Variants in MEX3D observed in about 807,000 individuals in gnomAD.
MEX3D encodes the protein RNA-binding protein MEX3D.
A neutral mutation model predicts 6.3 loss-of-function variants in MEX3D; 4 were observed. The observed-to-expected ratio is 0.64, with a 90% CI of 0.31 to 1.46. The LOEUF (loss-of-function observed/expected upper bound fraction) is 1.46. Among genes scored for constraint, MEX3D ranks in the 40% most tolerant of loss-of-function variants. MEX3D has a pLI of 0.07. For missense variants in MEX3D, 1,038 were observed against 994.4 expected, an observed-to-expected ratio of 1.04 and a Z score of -0.59; for synonymous variants, 626 against 494.1, an observed-to-expected ratio of 1.27 and a Z score of -3.54.
intron 1 of MEX3D, among the ~76,000 whole-genome samples, chr19:1,561,435 G>A (rs1249274514): frequency 1.3e-5 from 2 of 152,226 alleles, no homozygotes; most frequent in African/African-American, 2.4e-5. Context: ...CGGGTGACGC[G>A]GGACAGCAGC....
At position 1,567,454 on chromosome 19, in the gene MEX3D, G is replaced by A. The variant is rs768557040; in HGVS notation, c.595+10C>T. 3.2e-6 allele frequency: 5 copies of A among 1,561,088 alleles called. No individual in the cohort carries two copies. The East Asian group carries it at 1.3e-4, about 41-fold the overall frequency. On this transcript the variant is annotated intron_variant, in intron 1 of 1. Transcript: ENST00000402693. The surrounding 1 kb of genome is among the most constrained non-coding windows in gnomAD (Gnocchi z 6.5). ...CCCCAGGACAGCAACCCCCGACGAGGGCCACTCACCCTGGCGACCCACGAT... is the reference window on the plus strand; with the variant it reads ...CCCCAGGACAGCAACCCCCGACGAGAGCCACTCACCCTGGCGACCCACGAT...
rs777409412 is a variant in MEX3D at position 1,555,339 on chromosome 19, G to A, written c.*224C>T. The A allele has an allele frequency of 1.2e-6, 2 of 1,600,690 alleles. No homozygotes were observed. Among genetic ancestry groups the A allele is most frequent in the Middle Eastern group, 1.7e-4 (1 of 6,010 alleles). On this transcript the variant is annotated 3_prime_UTR_variant, in exon 2 of 2. Coordinates refer to ENST00000402693, the MANE Select transcript of MEX3D (RefSeq NM_203304.4). ...TATTGTAACCTGACCACTCAATACT[G>A]TCGTTGAAGGGCTGAGGCGCCGCCG... is the stretch of plus-strand genomic sequence containing the variant.
rs966964289 is a variant in MEX3D, at chr19:1,555,450, C to A, written c.*113G>T. 7 of 1,395,212 alleles carry A rather than the reference C, an allele frequency of 5.0e-6. No homozygotes were observed. Among genetic ancestry groups the A allele is most frequent in the Admixed American group, 4.4e-5 (2 of 45,084 alleles). 86.4% of individuals were successfully genotyped at this position (1,395,212 alleles called of 1,614,324 possible). ...GCCGCCGCCCACCCCCCTGCCCCCT[C>A]GGCCTCCGCCCCTCGCCCCCTCCCC... On this transcript the variant is annotated 3_prime_UTR_variant, in exon 2 of 2. Coordinates refer to ENST00000402693, the MANE Select transcript of MEX3D (RefSeq NM_203304.4).
chr19:1,556,983 G>A lies in MEX3D; in HGVS notation c.596-60C>T, dbSNP rs559974756. ...AGAGCCCCCTGCGCAGCTCAGCCCC[G>A]CTGGGCATGCAGGCTGCAGGGCCAG... On this transcript the variant is annotated intron_variant, in intron 1 of 1. Coordinates refer to ENST00000402693, the MANE Select transcript of MEX3D (RefSeq NM_203304.4). This position sits in a 1 kb window ranked among gnomAD's most constrained non-coding sequence, Gnocchi z 7.5. The A allele has an allele frequency of 2.6e-5, 39 of 1,518,268 alleles. No individual in the cohort carries two copies. Among genetic ancestry groups the A allele is most frequent in the South Asian group, 2.3e-4 (18 of 77,936 alleles). 94.0% of individuals were successfully genotyped at this position (1,518,268 alleles called of 1,614,324 possible).
At position 1,556,927 on chromosome 19, in the gene MEX3D, T is replaced by G; in HGVS notation, c.596-4A>C. 6.3e-7 allele frequency: 1 copy of G among 1,593,186 alleles called. No homozygotes were observed. The highest frequency in any genetic ancestry group is 1.3e-5 in the African/African-American group (1 of 74,510). Reference sequence around the variant, plus strand: ...CGCAGGGCCTTGATCTTGCAGCCTGTCCGGGAGGGAGGGGAAGGACAAGGT... The same window carrying G: ...CGCAGGGCCTTGATCTTGCAGCCTGGCCGGGAGGGAGGGGAAGGACAAGGT... On this transcript the variant is annotated splice_region_variant and splice_polypyrimidine_tract_variant and intron_variant, in intron 1 of 1. Transcript: ENST00000402693. This position sits in a 1 kb window ranked among gnomAD's most constrained non-coding sequence, Gnocchi z 7.5.
Position 1,556,955 on chromosome 19 carries a change from C to A in MEX3D, c.596-32G>T. 6.4e-7 allele frequency: 1 copy of A among 1,563,610 alleles called. No homozygotes were observed. Among genetic ancestry groups the A allele is most frequent in the Non-Finnish European group, 8.6e-7 (1 of 1,160,160 alleles). On this transcript the variant is annotated intron_variant, in intron 1 of 1. Transcript: ENST00000402693. The surrounding 1 kb of genome is among the most constrained non-coding windows in gnomAD (Gnocchi z 7.5). ...GGGAGGGAGGGGAAGGACAAGGTGA[C>A]CCAGAGCCCCCTGCGCAGCTCAGCC...
intron 1 of MEX3D, among the ~76,000 whole-genome samples, chr19:1,557,564 TAAA>T (rs541363387): frequency 8.1e-5 from 9 of 110,784 alleles, no homozygotes; most frequent in Admixed American, 9.5e-5. Context: ...AGACTCCAAC[TAAA>T]AAAAAAAAAA....
chr19:1,561,931 G>C (rs1914727770), intron 1 of MEX3D, among the ~76,000 whole-genome samples: 1 of 151,924 alleles, frequency 6.6e-6, no homozygotes, highest in Admixed American at 6.5e-5. Context: ...ACAGGTGTGA[G>C]CCACCATATC....
chr19:1,557,205 G>A (rs1328520180), intron 1 of MEX3D, among the ~76,000 whole-genome samples: 1 of 152,192 alleles, frequency 6.6e-6, no homozygotes, highest in African/African-American at 2.4e-5. Context: ...GTGACGGCTG[G>A]GGTGTGAATG....
rs774101409 is a variant in MEX3D, at chr19:1,556,818, T to G, written c.701A>C (p.Glu234Ala). 3.1e-6 allele frequency: 5 copies of G among 1,612,628 alleles called. No homozygotes were observed. The Admixed American group carries it at 5.0e-5, about 16-fold the overall frequency. ...CGACAGGATCTCACGCTTGGCCATC[T>G]CCACGTCCTCCTTCCGGCCGGTCAC... ...FIVTGRKEDV[E>A]MAKREILSAA... Residue 234 changes from glutamate to alanine, a missense_variant, in exon 2 of 2, where the codon GAG (glutamate) becomes GCG (alanine). Glu to Ala is a moderately radical substitution (Grantham distance 107). Coordinates refer to ENST00000402693, the MANE Select transcript of MEX3D (RefSeq NM_203304.4). The surrounding 1 kb of genome is among the most constrained non-coding windows in gnomAD (Gnocchi z 7.5).
Position 1,556,532 on chromosome 19 carries a change from G to A in MEX3D, c.987C>T (p.Arg329=), listed in dbSNP as rs1914568879. Residue 329 remains arginine, a synonymous_variant, in exon 2 of 2, where the codon CGC becomes CGT. Transcript: ENST00000402693. This position sits in a 1 kb window ranked among gnomAD's most constrained non-coding sequence, Gnocchi z 7.5. The part of the protein sequence containing the change: ...AVTGMPENVD[R]AREEIEAHIT... ...TGTGCGCCTCGATCTCCTCGCGCGCGCGGTCCACGTTCTCGGGCATCCCAG... is the reference window on the plus strand; with the variant it reads ...TGTGCGCCTCGATCTCCTCGCGCGCACGGTCCACGTTCTCGGGCATCCCAG... 1.9e-6 allele frequency: 3 copies of A among 1,606,688 alleles called. No individual in the cohort carries two copies. Among genetic ancestry groups the A allele is most frequent in the Non-Finnish European group, 1.7e-6 (2 of 1,177,518 alleles).
intron 1 of MEX3D, among the ~76,000 whole-genome samples, chr19:1,563,726 C>T (rs1293883559): frequency 1.3e-5 from 2 of 152,176 alleles, no homozygotes; most frequent in African/African-American, 4.8e-5. Context: ...GCTGCCTCCC[C>T]TCACCCCCAG....
At chr19:1,560,002 G>A (rs1159686387) in intron 1 of MEX3D, among the ~76,000 whole-genome samples, 1 of 152,212 alleles carries the variant, frequency 6.6e-6, no homozygotes, top group Non-Finnish European at 1.5e-5. Flanking sequence ...CACCCTGACT[G>A]CATCGGGTTG....
chr19:1,562,544 G>T (rs890985987), intron 1 of MEX3D, among the ~76,000 whole-genome samples: 18 of 151,414 alleles, frequency 1.2e-4, no homozygotes, highest in Non-Finnish European at 2.4e-4. Context: ...GAAAAGAAAA[G>T]AAAATTAGCT....
At position 1,567,439 on chromosome 19, in the gene MEX3D, G is replaced by A; in HGVS notation, c.595+25C>T. On this transcript the variant is annotated intron_variant, in intron 1 of 1. Transcript: ENST00000402693. The surrounding 1 kb of genome is among the most constrained non-coding windows in gnomAD (Gnocchi z 6.5). ...GGACGGTGCGGGGACCCCCAGGACA[G>A]CAACCCCCGACGAGGGCCACTCACC... is the stretch of plus-strand genomic sequence containing the variant. 6.4e-7 allele frequency: 1 copy of A among 1,551,464 alleles called. No individual in the cohort carries two copies. Among genetic ancestry groups the A allele is most frequent in the African/African-American group, 1.4e-5 (1 of 70,090 alleles).
At chr19:1,558,748 A>ACTGCAGACGCCCGGGC (rs1163503569) in intron 1 of MEX3D, among the ~76,000 whole-genome samples, 1 of 152,156 alleles carries the variant, frequency 6.6e-6, no homozygotes, top group African/African-American at 2.4e-5. Context: ...TCTCGGCCCG[A>ACTGCAGACGCCCGGGC]CTGCAGACGC....
At position 1,556,188 on chromosome 19, in the gene MEX3D, C is replaced by T. The variant is rs1340267229; in HGVS notation, c.1331G>A (p.Gly444Glu). 2 of 1,454,308 alleles carry T rather than the reference C, an allele frequency of 1.4e-6. No individual in the cohort carries two copies. Among genetic ancestry groups the T allele is most frequent in the South Asian group, 1.2e-5 (1 of 80,136 alleles). The allele number at this position is 1,454,308 out of a possible 1,614,324, so 90.1% of individuals were successfully genotyped here. Reference sequence around the variant, plus strand: ...GTCGCAGTCGTCGGGGGCGGCCGTCCCCACCGGGGCACCGGGACCCTCCGC... The same window carrying T: ...GTCGCAGTCGTCGGGGGCGGCCGTCTCCACCGGGGCACCGGGACCCTCCGC... The part of the protein sequence containing the change: ...FGAEGPGAPV[G>E]TAAPDDCDFG... The change falls in exon 2 of 2, where the codon GGG becomes GAG. Residue 444 changes from glycine (G) to glutamate (E), a missense_variant. Coordinates refer to ENST00000402693, the MANE Select transcript of MEX3D (RefSeq NM_203304.4). This position sits in a 1 kb window ranked among gnomAD's most constrained non-coding sequence, Gnocchi z 7.5.
rs939208930 is a variant in MEX3D, at chr19:1,568,089, T to TGCCGCCCGCGCCGCCGCC, written c.-49_-32dup. 1.1e-5 allele frequency: 11 copies of TGCCGCCCGCGCCGCCGCC among 972,420 alleles called. No individual in the cohort carries two copies. Among genetic ancestry groups the TGCCGCCCGCGCCGCCGCC allele is most frequent in the South Asian group, 4.7e-5 (1 of 21,308 alleles). 60.2% of individuals were successfully genotyped at this position (972,420 alleles called of 1,614,324 possible). ...GAGCTAGCGCTGGGGCCCGCGCTCCTGCCGCCCGCGCCGCCGCCGCCGCCC... is the reference window on the plus strand; with the variant it reads ...GAGCTAGCGCTGGGGCCCGCGCTCCTGCCGCCCGCGCCGCCGCCGCCGCCCGCGCCGCCGCCGCCGCCC... On this transcript the variant is annotated 5_prime_UTR_variant, in exon 1 of 2. Transcript: ENST00000402693.
rs570798155 is a variant in MEX3D, at chr19:1,562,252, C to T, written c.595+5212G>A. 1.2e-3 allele frequency among the ~76,000 whole-genome samples: 162 copies of T among 138,834 alleles called. 1 individual carries two copies. In the Middle Eastern group the frequency reaches 0.022, roughly 19 times the overall value. 91.1% of individuals were successfully genotyped at this position (138,834 alleles called of 152,430 possible). A position where few individuals can be genotyped will look rare whatever the true frequency, so the allele number is the denominator to read the frequency against. Reference sequence around the variant, plus strand: ...CTCTAGCCTGGGCGACAGAGTGAGACTCCGTCTCAAAAAAAAAAAAAAATT... The same window carrying T: ...CTCTAGCCTGGGCGACAGAGTGAGATTCCGTCTCAAAAAAAAAAAAAAATT... On this transcript the variant is annotated intron_variant, in intron 1 of 1. Coordinates refer to ENST00000402693, the MANE Select transcript of MEX3D (RefSeq NM_203304.4).
Sources: gnomAD v4.1 joint callset for allele counts (sites outside exome capture counted in the v4.1 genomes callset) on GRCh38, gnomAD v4.1.1 for gene constraint, Gnocchi (gnomAD v3.1) non-coding constraint, MANE v1.5 for transcripts, NCBI Gene and HGNC (gene_info 2026-07-23, HGNC 2026-07-21) for gene names.